ELOC: variants seen among roughly 807,000 people sequenced by gnomAD.
ELOC encodes elongin-C.
For missense variants in ELOC, 38 were observed against 139.0 expected (o/e 0.27, Z 3.65); for synonymous variants, 40 against 51.3 (o/e 0.78, Z 0.94).
chr8:73,959,752 A>C lies in ELOC; in HGVS notation c.4+13T>G. 1.3e-6 allele frequency: 2 copies of C among 1,561,496 alleles called. No individual in the cohort carries two copies. Among genetic ancestry groups the C allele is most frequent in the East Asian group, 2.3e-5 (1 of 42,816 alleles). ...TACTAGTTAAAACACAAAATTAATT[A>C]TCTTTAGCTTACCCATTTTGTTCTT... On this transcript the variant is annotated intron_variant, in intron 2 of 3. Transcript: ENST00000520242.
intron 1 of ELOC, among the ~76,000 whole-genome samples, chr8:73,970,017 T>C (rs1375422828): frequency 6.6e-6 from 1 of 152,206 alleles, no homozygotes; most frequent in African/African-American, 2.4e-5. Context: ...TGGCCAGATT[T>C]GGTGGTTCAT....
At chr8:73,970,312 C>CA (rs886507275) in intron 1 of ELOC, among the ~76,000 whole-genome samples, 69 of 152,048 alleles carry the variant, frequency 4.5e-4, no homozygotes, top group African/African-American at 1.6e-3. Context: ...AAAAATCTAC[C>CA]AAAAAAACCA....
chr8:73,961,671 G>A (rs575241741), intron 1 of ELOC, among the ~76,000 whole-genome samples: 1 of 152,210 alleles, frequency 6.6e-6, no homozygotes, highest in South Asian at 2.1e-4. Context: ...CTGTCACCGT[G>A]CCTGGCTAAT....
chr8:73,954,296 C>G (rs1813988843), intron 3 of ELOC, among the ~76,000 whole-genome samples: 1 of 152,150 alleles, frequency 6.6e-6, no homozygotes, highest in Non-Finnish European at 1.5e-5. Flanking sequence ...GTAAACGCCA[C>G]TAAATTGTAC....
intron 3 of ELOC, among the ~76,000 whole-genome samples, chr8:73,950,239 C>T (rs1378976722): frequency 1.3e-5 from 2 of 152,148 alleles, no homozygotes; most frequent in African/African-American, 4.8e-5. Context: ...GTGGCTCTTT[C>T]TGACATAAAA....
chr8:73,953,200 G>C (rs1813890477), intron 3 of ELOC, among the ~76,000 whole-genome samples: 1 of 152,154 alleles, frequency 6.6e-6, no homozygotes, highest in Non-Finnish European at 1.5e-5. Context: ...CAGGTACTCA[G>C]GAGGCTGAGG....
chr8:73,969,929 TCTTA>T (rs1395093119), intron 1 of ELOC, among the ~76,000 whole-genome samples: 1 of 152,222 alleles, frequency 6.6e-6, no homozygotes, highest in African/African-American at 2.4e-5. Flanking sequence ...CTTTTTCTGC[TCTTA>T]CTTAATAACA....
intron 1 of ELOC, 112 bp downstream of exon 1, chr8:73,971,965 C>T (rs1183351377): frequency 6.6e-6 from 1 of 152,286 alleles, no homozygotes; most frequent in Non-Finnish European, 1.5e-5. Flanking sequence ...CCGTTCCTTC[C>T]CCGCCTAGAA....
rs79924870 is a variant in ELOC at position 73,970,072 on chromosome 8, T to C, written c.-51+2005A>G. On this transcript the variant is annotated intron_variant, in intron 1 of 3. Transcript: ENST00000520242. Reference sequence around the variant, plus strand: ...TGGGAGGCCAAGGCAGGAAGCCTACTTGAGCCCCCAAAACAAAAAATTAGC... The same window carrying C: ...TGGGAGGCCAAGGCAGGAAGCCTACCTGAGCCCCCAAAACAAAAAATTAGC... Among the ~76,000 whole-genome samples, 979 of 152,282 alleles carry C rather than the reference T, an allele frequency of 6.4e-3. 10 individuals carry two copies. The highest frequency in any genetic ancestry group is 0.023 in the African/African-American group (941 of 41,556).
intron 3 of ELOC, among the ~76,000 whole-genome samples, chr8:73,951,684 C>CAACAACAA: frequency 7.2e-6 from 1 of 139,848 alleles, no homozygotes; most frequent in African/African-American, 2.6e-5. Flanking sequence ...AACAACAAAA[C>CAACAACAA]AACAGACAAA....
intron 2 of ELOC, among the ~76,000 whole-genome samples, chr8:73,957,864 C>T (rs1027003784): frequency 1.1e-4 from 17 of 152,080 alleles, no homozygotes; most frequent in African/African-American, 4.1e-4. Flanking sequence ...CTGCAACTTC[C>T]ACCTCCCAGG....
At position 73,945,551 on chromosome 8, in the gene ELOC, T is replaced by C. The variant is rs1813331700; in HGVS notation, c.*1079A>G. 6.6e-6 allele frequency: 1 copy of C among 152,222 alleles called. No homozygotes were observed. The highest frequency in any genetic ancestry group is 1.5e-5 in the Non-Finnish European group (1 of 68,040). 9.4% of individuals were successfully genotyped at this position (152,222 alleles called of 1,614,324 possible). On this transcript the variant is annotated 3_prime_UTR_variant, in exon 4 of 4. Coordinates refer to ENST00000520242, the MANE Select transcript of ELOC (RefSeq NM_005648.4). The stretch of plus-strand genomic sequence containing the variant: ...TTCTTTCCCCATGCATAAGGAATGA[T>C]GCTGTCATATTTTTTCAAAAAATTT...
intron 2 of ELOC, among the ~76,000 whole-genome samples, chr8:73,957,749 TATCC>T (rs750720645): frequency 1.3e-5 from 2 of 152,172 alleles, no homozygotes; most frequent in Non-Finnish European, 2.9e-5. Flanking sequence ...TTAAAATTTT[TATCC>T]ATCCATCCAT....
chr8:73,971,032 C>CA (rs67188912), intron 1 of ELOC, among the ~76,000 whole-genome samples: 1,785 of 61,572 alleles, frequency 0.029, 76 homozygotes, highest in East Asian at 0.088. Flanking sequence ...GACTCCGTCT[C>CA]AAAAAAAAAA....
intron 2 of ELOC, among the ~76,000 whole-genome samples, chr8:73,959,285 T>C (rs963387213): frequency 2.0e-5 from 3 of 152,162 alleles, no homozygotes; most frequent in African/African-American, 7.2e-5. Context: ...AGCTTATTTC[T>C]GCCTCGAACT....
At chr8:73,970,974 C>T (rs1815338363) in intron 1 of ELOC, among the ~76,000 whole-genome samples, 1 of 130,554 alleles carries the variant, frequency 7.7e-6, no homozygotes, top group African/African-American at 2.9e-5. Context: ...GCGGAGGTTG[C>T]AGTGAGCCGA....
intron 1 of ELOC, among the ~76,000 whole-genome samples, chr8:73,963,891 G>C (rs966622181): frequency 6.6e-6 from 1 of 152,004 alleles, no homozygotes; most frequent in Non-Finnish European, 1.5e-5. Context: ...TCAGGAGTTC[G>C]AGACTAGCCT....
chr8:73,951,861 T>C (rs1314205842), intron 3 of ELOC, among the ~76,000 whole-genome samples: 2 of 152,116 alleles, frequency 1.3e-5, no homozygotes, highest in Non-Finnish European at 2.9e-5. Context: ...TGGAATAGAA[T>C]TGAGAGCCCA....
intron 1 of ELOC, among the ~76,000 whole-genome samples, chr8:73,963,376 T>G (rs973473984): frequency 6.6e-6 from 1 of 152,234 alleles, no homozygotes; most frequent in Non-Finnish European, 1.5e-5. Context: ...AGTCTCCATT[T>G]TGTTCTCACA....
Sources: gnomAD v4.1 joint callset for allele counts (sites outside exome capture counted in the v4.1 genomes callset) on GRCh38, gnomAD v4.1.1 for gene constraint, MANE v1.5 for transcripts, NCBI Gene and HGNC (gene_info 2026-07-23, HGNC 2026-07-21) for gene names.